NOD1: variants seen among roughly 807,000 people sequenced by gnomAD.
NOD1 encodes nucleotide binding oligomerization domain containing 1, also known as nucleotide-binding oligomerization domain-containing protein 1.
NOD1 carries 70 observed loss-of-function variants against 81.2 expected under a neutral mutation model. The ratio of observed to expected loss-of-function variants is 0.86; its 90% CI spans 0.71 to 1.05. The LOEUF (loss-of-function observed/expected upper bound fraction) is 1.05, where lower values mean the gene tolerates loss of function less well. NOD1 is among the 50% of genes least tolerant of loss of function. The pLI, the probability that NOD1 is intolerant of heterozygous loss-of-function variation, is 0.00. For missense variants in NOD1, 1,233 were observed against 1,228.0 expected (o/e 1.00, Z -0.06); for synonymous variants, 508 against 526.9 (o/e 0.96, Z 0.49).
At chr7:30,449,276 T>G (rs1785435622) in intron 6 of NOD1, among the ~76,000 whole-genome samples, 1 of 151,998 alleles carries the variant, frequency 6.6e-6, no homozygotes, top group Admixed American at 6.5e-5. Flanking sequence ...TGGGAAATAG[T>G]GTGTATGTAC....
intron 1 of NOD1, among the ~76,000 whole-genome samples, chr7:30,470,846 C>A (rs1562719510): frequency 6.6e-6 from 1 of 152,168 alleles, no homozygotes; most frequent in Admixed American, 6.5e-5. Context: ...GAAGTGGAAA[C>A]CGGTTTCCTG....
At chr7:30,438,665 G>A (rs1784595153) in intron 9 of NOD1, among the ~76,000 whole-genome samples, 1 of 152,136 alleles carries the variant, frequency 6.6e-6, no homozygotes, top group African/African-American at 2.4e-5. Context: ...AGTTTTCAGT[G>A]TTTTGCTTAC....
At position 30,456,767 on chromosome 7, in the gene NOD1, G is replaced by A. The variant is rs1332709505; in HGVS notation, c.155C>T (p.Ala52Val). ...DNLLKNDYFSAEDAEIVCACP... is the reference protein window; with the variant it reads ...DNLLKNDYFSVEDAEIVCACP... ...GGCACACACAATCTCCGCATCTTCGGCCGAGAAGTAGTCATTCTTCAGCAA... is the reference window on the plus strand; with the variant it reads ...GGCACACACAATCTCCGCATCTTCGACCGAGAAGTAGTCATTCTTCAGCAA... The change falls in exon 4 of 14, where the codon GCC (alanine) becomes GTC (valine). Residue 52 changes from alanine (A) to valine (V), a missense_variant. By Grantham distance (64) the Ala-to-Val change is moderately conservative. Transcript: ENST00000222823. 3 of 1,614,166 alleles carry A rather than the reference G, an allele frequency of 1.9e-6. No individual in the cohort carries two copies. The highest frequency in any genetic ancestry group is 1.7e-4 in the Middle Eastern group (1 of 6,056).
At position 30,437,540 on chromosome 7, in the gene NOD1, G is replaced by A. The variant is rs914270477; in HGVS notation, c.2537+33C>T. ...ACCTAGAGCAGCTGGGAGGGACCAG[G>A]TTGGCCCCTGGAGACAGCAGGGCCA... On this transcript the variant is annotated intron_variant, in intron 10 of 13. Coordinates refer to ENST00000222823, the MANE Select transcript of NOD1 (RefSeq NM_006092.4). 2.8e-6 allele frequency: 4 copies of A among 1,404,816 alleles called. No homozygotes were observed. The African/African-American group carries it at 4.5e-5, about 16-fold the overall frequency. The allele number at this position is 1,404,816 out of a possible 1,614,324, so 87.0% of individuals were successfully genotyped here. A position where few individuals can be genotyped will look rare whatever the true frequency, so the allele number is the denominator to read the frequency against.
intron 12 of NOD1, among the ~76,000 whole-genome samples, chr7:30,432,779 C>A (rs1192156216): frequency 6.6e-6 from 1 of 152,172 alleles, no homozygotes; most frequent in Non-Finnish European, 1.5e-5. Context: ...TGCTAGAACA[C>A]AGAGACAAAA....
At chr7:30,468,685 T>A (rs1787956143) in intron 1 of NOD1, 1 of 307,464 alleles carries the variant, frequency 3.3e-6, no homozygotes, top group Non-Finnish European at 4.8e-6. Flanking sequence ...TAACCCAGAT[T>A]GCAAATGTCA....
In NOD1 at chr7:30,467,353, T is replaced by TG. The variant is rs202207550; in HGVS notation, c.-351-7313_-351-7312insC. On this transcript the variant is annotated intron_variant, in intron 1 of 13. Coordinates refer to ENST00000222823, the MANE Select transcript of NOD1 (RefSeq NM_006092.4). The surrounding 1 kb of genome is among the most constrained non-coding windows in gnomAD (Gnocchi z 4.5). ...GACTTTTATTCGTAATGTTTTTTTT[T>TG]TTATAAGAAGGCTATACACTTGCAT... Among the ~76,000 whole-genome samples the TG allele has an allele frequency of 0.015, 2,252 of 152,122 alleles. 30 individuals carry two copies. Among genetic ancestry groups the TG allele is most frequent in the Non-Finnish European group, 0.022 (1,525 of 67,952 alleles).
chr7:30,477,512 T>TTTTG (rs551344170), intron 1 of NOD1, among the ~76,000 whole-genome samples: 16 of 152,016 alleles, frequency 1.1e-4, no homozygotes, highest in Non-Finnish European at 1.5e-4. Context: ...TTTTTTTGTT[T>TTTTG]TTTGTTTGTT....
intron 3 of NOD1, among the ~76,000 whole-genome samples, chr7:30,457,878 T>G (rs1339598812): frequency 6.6e-6 from 1 of 152,098 alleles, no homozygotes; most frequent in Admixed American, 6.6e-5. Context: ...TGCTATAACC[T>G]CTTCCCCCGT....
chr7:30,449,859 G>T (rs1273358518), intron 6 of NOD1, among the ~76,000 whole-genome samples: 1 of 152,212 alleles, frequency 6.6e-6, no homozygotes, highest in East Asian at 1.9e-4. Context: ...CAGCAGGAAG[G>T]GCAGGGCCAC....
intron 8 of NOD1, 92 bp downstream of exon 8, chr7:30,446,875 T>C: frequency 9.6e-7 from 1 of 1,039,920 alleles, no homozygotes; most frequent in African/African-American, 1.6e-5. Context: ...GGCTTTAGGA[T>C]GAAAGCTCTT....
chr7:30,471,526 A>C (rs1788273063), intron 1 of NOD1, among the ~76,000 whole-genome samples: 1 of 152,214 alleles, frequency 6.6e-6, no homozygotes, highest in Admixed American at 6.5e-5. Context: ...CACCCAATAA[A>C]GAATTTTGTT....
Position 30,467,674 on chromosome 7 carries a change from A to C in NOD1, c.-351-7633T>G, listed in dbSNP as rs1044398238. Among the ~76,000 whole-genome samples, 8 of 152,064 alleles carry C rather than the reference A, an allele frequency of 5.3e-5. No individual in the cohort carries two copies. Among genetic ancestry groups the C allele is most frequent in the Non-Finnish European group, 1.2e-4 (8 of 68,010 alleles). The stretch of plus-strand genomic sequence containing the variant: ...ATCTGATGGGATTGTGGGTGGGAAC[A>C]GTTTTTTTTGTTGTTGTTGTTATTT... On this transcript the variant is annotated intron_variant, in intron 1 of 13. Transcript: ENST00000222823. The surrounding 1 kb of genome is among the most constrained non-coding windows in gnomAD (Gnocchi z 4.5).
intron 1 of NOD1, among the ~76,000 whole-genome samples, chr7:30,475,015 A>G (rs980091255): frequency 4.6e-5 from 7 of 152,160 alleles, no homozygotes; most frequent in African/African-American, 1.7e-4. Context: ...GTTCCTTCCA[A>G]GAAGGTTTGG....
In NOD1 at chr7:30,429,426, T is replaced by A. The variant is rs143983658; in HGVS notation, c.2737A>T (p.Thr913Ser). ...LIQNQITAKG[T>S]AQLADALQSN... ...TGTAACGCATCTGCCAGCTGGGCAG[T>A]CCCCTTAGCTGTGATCTGATTCTGG... Residue 913 changes from threonine (T) to serine (S), a missense_variant, in exon 13 of 14, where the codon ACT (threonine) becomes TCT (serine). Thr to Ser is a moderately conservative substitution (Grantham distance 58). Transcript: ENST00000222823. The A allele has an allele frequency of 1.3e-5, 21 of 1,614,140 alleles. No homozygotes were observed. In the African/African-American group the frequency reaches 2.8e-4, roughly 22 times the overall value.
chr7:30,446,311 C>T (rs1418564569), intron 8 of NOD1, 87 bp from the exon 9 acceptor site: 3 of 965,514 alleles, frequency 3.1e-6, no homozygotes, highest in Non-Finnish European at 5.0e-6. Context: ...GAGCCCCTTC[C>T]AGCCCCATCT....
Position 30,467,674 on chromosome 7 carries a change from A to G in NOD1, c.-351-7633T>C, listed in dbSNP as rs1044398238. 1.3e-5 allele frequency among the ~76,000 whole-genome samples: 2 copies of G among 152,064 alleles called. No individual in the cohort carries two copies. Among genetic ancestry groups the G allele is most frequent in the African/African-American group, 4.8e-5 (2 of 41,416 alleles). Reference sequence around the variant, plus strand: ...ATCTGATGGGATTGTGGGTGGGAACAGTTTTTTTTGTTGTTGTTGTTATTT... The same window carrying G: ...ATCTGATGGGATTGTGGGTGGGAACGGTTTTTTTTGTTGTTGTTGTTATTT... On this transcript the variant is annotated intron_variant, in intron 1 of 13. Coordinates refer to ENST00000222823, the MANE Select transcript of NOD1 (RefSeq NM_006092.4). This position sits in a 1 kb window ranked among gnomAD's most constrained non-coding sequence, Gnocchi z 4.5.
rs1583754068 is a variant in NOD1 at position 30,451,201 on chromosome 7, G to A, written c.2201+15C>T. 6.2e-7 allele frequency: 1 copy of A among 1,606,210 alleles called. No homozygotes were observed. Among genetic ancestry groups the A allele is most frequent in the East Asian group, 2.2e-5 (1 of 44,728 alleles). Reference sequence around the variant, plus strand: ...GCCCGGCCCACCTGTTGCTCCCCTTGCCTGGCAGCCTCACCTGAGAACAGT... The same window carrying A: ...GCCCGGCCCACCTGTTGCTCCCCTTACCTGGCAGCCTCACCTGAGAACAGT... On this transcript the variant is annotated intron_variant, in intron 6 of 13. Coordinates refer to ENST00000222823, the MANE Select transcript of NOD1 (RefSeq NM_006092.4). This position sits in a 1 kb window ranked among gnomAD's most constrained non-coding sequence, Gnocchi z 4.2.
Position 30,429,489 on chromosome 7 carries a change from A to G in NOD1, c.2706-32T>C, listed in dbSNP as rs1583653073. 5.0e-6 allele frequency: 8 copies of G among 1,586,038 alleles called. No homozygotes were observed. The East Asian group carries it at 6.7e-5, about 13-fold the overall frequency. On this transcript the variant is annotated intron_variant, in intron 12 of 13. Coordinates refer to ENST00000222823, the MANE Select transcript of NOD1 (RefSeq NM_006092.4). The stretch of plus-strand genomic sequence containing the variant: ...GAAGAACATAACTTGTATAAAATCC[A>G]TAATACTGGATCAAATTTGACCCCT...
Sources: gnomAD v4.1 joint callset for allele counts (sites outside exome capture counted in the v4.1 genomes callset) on GRCh38, gnomAD v4.1.1 for gene constraint, Gnocchi (gnomAD v3.1) non-coding constraint, MANE v1.5 for transcripts, NCBI Gene and HGNC (gene_info 2026-07-23, HGNC 2026-07-21) for gene names.